The following MARCHF1 variants were observed in gnomAD, a reference collection of about 807,000 sequenced individuals.
MARCHF1 encodes membrane associated ring-CH-type finger 1, also known as E3 ubiquitin-protein ligase MARCHF1.
Under a neutral mutation model 54.2 loss-of-function variants are expected in MARCHF1, and 40 were observed. The observed-to-expected ratio is 0.74, with a 90% CI of 0.57 to 0.96. The LOEUF (loss-of-function observed/expected upper bound fraction) is 0.96, where lower values mean the gene tolerates loss of function less well. MARCHF1 is among the 40% of genes least tolerant of loss of function. MARCHF1 has a pLI of 0.00. For missense variants in MARCHF1, 586 were observed against 656.5 expected (o/e 0.89, Z 1.17); for synonymous variants, 236 against 236.3 (o/e 1.00, Z 0.01).
intron 5 of MARCHF1, among the ~76,000 whole-genome samples, chr4:163,654,845 T>C (rs1230713093): frequency 6.6e-6 from 1 of 151,720 alleles, no homozygotes; most frequent in Non-Finnish European, 1.5e-5. Flanking sequence ...TGACAATCTG[T>C]CATTAAACAT....
At chr4:163,779,653 A>G (rs1747406627) in intron 4 of MARCHF1, among the ~76,000 whole-genome samples, 1 of 152,214 alleles carries the variant, frequency 6.6e-6, no homozygotes, top group South Asian at 2.1e-4. Context: ...GATGGGCTTC[A>G]TAGAACTTAG....
intron 4 of MARCHF1, among the ~76,000 whole-genome samples, chr4:163,832,656 G>C (rs1320372868): frequency 1.3e-5 from 2 of 150,968 alleles, no homozygotes; most frequent in Non-Finnish European, 3.0e-5. Flanking sequence ...AGTTACATAT[G>C]TATACATGTG....
At chr4:163,531,601 T>G (rs1032043498) in intron 9 of MARCHF1, among the ~76,000 whole-genome samples, 1 of 151,694 alleles carries the variant, frequency 6.6e-6, no homozygotes, top group African/African-American at 2.4e-5. Flanking sequence ...GCTAATGCAA[T>G]AAAACAAGAA....
intron 9 of MARCHF1, among the ~76,000 whole-genome samples, chr4:163,536,354 C>T (rs746611671): frequency 7.9e-5 from 12 of 152,060 alleles, no homozygotes; most frequent in Admixed American, 3.3e-4. Flanking sequence ...CCTTTGTCTC[C>T]GATCTTTTTT....
chr4:163,898,236 C>G (rs1037516894), intron 3 of MARCHF1, among the ~76,000 whole-genome samples: 3 of 151,902 alleles, frequency 2.0e-5, no homozygotes, highest in Non-Finnish European at 2.9e-5. Context: ...AAGAAATAAT[C>G]AACAAAGAAA....
intron 4 of MARCHF1, among the ~76,000 whole-genome samples, chr4:163,805,334 G>C (rs986822401): frequency 1.3e-5 from 2 of 150,840 alleles, no homozygotes; most frequent in African/African-American, 4.9e-5. Context: ...GATGTGTTTG[G>C]ATGAAAGTAA....
chr4:163,663,424 TTTTTC>T (rs1743419177), intron 5 of MARCHF1, among the ~76,000 whole-genome samples: 2 of 152,034 alleles, frequency 1.3e-5, no homozygotes, highest in Non-Finnish European at 2.9e-5. Flanking sequence ...CTGCTGGAGA[TTTTTC>T]TTTTCTTTTT....
At chr4:163,561,526 A>G (rs1209138414) in intron 8 of MARCHF1, among the ~76,000 whole-genome samples, 2 of 152,210 alleles carry the variant, frequency 1.3e-5, no homozygotes, top group African/African-American at 4.8e-5. Context: ...TCACACAAAT[A>G]TATAGCCAAA....
At chr4:164,248,052 A>T (rs1733009128) in intron 1 of MARCHF1, among the ~76,000 whole-genome samples, 1 of 151,862 alleles carries the variant, frequency 6.6e-6, no homozygotes, top group Non-Finnish European at 1.5e-5. Context: ...ATTCTTAAAG[A>T]TTATAAAATT....
intron 3 of MARCHF1, among the ~76,000 whole-genome samples, chr4:163,908,441 C>T (rs1013772022): frequency 2.0e-5 from 3 of 152,070 alleles, no homozygotes; most frequent in African/African-American, 7.2e-5. Context: ...AAGAAGAATG[C>T]ATTAGATCTA....
intron 3 of MARCHF1, among the ~76,000 whole-genome samples, chr4:163,932,284 C>T (rs1303291040): frequency 3.3e-5 from 5 of 152,136 alleles, no homozygotes; most frequent in African/African-American, 1.2e-4. Flanking sequence ...AGATTTGCCA[C>T]ATTGACTGAC....
At chr4:163,936,932 C>T (rs561041872) in intron 3 of MARCHF1, among the ~76,000 whole-genome samples, 12 of 152,228 alleles carry the variant, frequency 7.9e-5, no homozygotes, top group African/African-American at 1.9e-4. Flanking sequence ...GTCATGTATA[C>T]GTACTTGAAC....
intron 1 of MARCHF1, among the ~76,000 whole-genome samples, chr4:164,152,400 G>A (rs1729966115): frequency 6.6e-6 from 1 of 152,112 alleles, no homozygotes; most frequent in African/African-American, 2.4e-5. Context: ...TACCTAAGGG[G>A]TCTAGGGAGT....
intron 1 of MARCHF1, among the ~76,000 whole-genome samples, chr4:164,251,604 T>C (rs776215776): frequency 3.3e-5 from 5 of 152,184 alleles, no homozygotes; most frequent in Non-Finnish European, 7.3e-5. Flanking sequence ...ACTAGGATGA[T>C]GATAAAGGCA....
chr4:163,701,805 T>C (rs1316788448), intron 4 of MARCHF1, among the ~76,000 whole-genome samples: 1 of 151,822 alleles, frequency 6.6e-6, no homozygotes, highest in East Asian at 1.9e-4. Flanking sequence ...AACATTGTCA[T>C]TGAAATAATT....
intron 4 of MARCHF1, among the ~76,000 whole-genome samples, chr4:163,768,865 C>T (rs1747067863): frequency 6.6e-6 from 1 of 152,076 alleles, no homozygotes; most frequent in Admixed American, 6.5e-5. Context: ...GATTAAATTT[C>T]CTATACTTTC....
At chr4:164,124,778 G>A (rs980679676) in intron 1 of MARCHF1, among the ~76,000 whole-genome samples, 1 of 152,118 alleles carries the variant, frequency 6.6e-6, no homozygotes, top group African/African-American at 2.4e-5. Flanking sequence ...CCAATGCCAG[G>A]AAGGATAGTG....
Position 164,340,405 on chromosome 4 carries a change from T to TTATATACATACA in MARCHF1, c.-323+43464_-323+43465insTGTATGTATATA, listed in dbSNP as rs58808830. Among the ~76,000 whole-genome samples, 61 of 95,640 alleles carry TTATATACATACA rather than the reference T, an allele frequency of 6.4e-4. 2 individuals are homozygous for TTATATACATACA. In the South Asian group the frequency reaches 0.011, roughly 17 times the overall value. 62.7% of individuals were successfully genotyped at this position (95,640 alleles called of 152,430 possible). ...ACAGCACATGCCACCAGGCCTTGAT[T>TTATATACATACA]TATATATAGATATATATATATATAT... On this transcript the variant is annotated intron_variant, in intron 1 of 9. Coordinates refer to ENST00000514618, the MANE Select transcript of MARCHF1 (RefSeq NM_001394959.1).
At chr4:164,154,914 A>T (rs1329443319) in intron 1 of MARCHF1, among the ~76,000 whole-genome samples, 1 of 152,196 alleles carries the variant, frequency 6.6e-6, no homozygotes, top group African/African-American at 2.4e-5. Context: ...GGTGGCTCTC[A>T]GCAGGCTGGA....
Sources: allele counts gnomAD v4.1 joint callset (sites outside exome capture counted in the v4.1 genomes callset), GRCh38; gene constraint gnomAD v4.1.1; transcripts MANE v1.5; gene names NCBI Gene and HGNC (gene_info 2026-07-23, HGNC 2026-07-21).